PDGFC: variants seen among roughly 807,000 people sequenced by gnomAD.
PDGFC encodes platelet derived growth factor C, also known as platelet-derived growth factor C.
A neutral mutation model predicts 35.5 loss-of-function variants in PDGFC; 12 were observed. The observed-to-expected ratio is 0.34, with a 90% CI of 0.22 to 0.55. The LOEUF is 0.55. Among genes scored for constraint, PDGFC ranks in the 20% least tolerant of loss-of-function variants. PDGFC has a pLI of 0.91. For synonymous variants in PDGFC, 159 were observed against 148.8 expected (o/e 1.07, Z -0.50); for missense variants, 322 against 412.4 (o/e 0.78, Z 1.90).
intron 3 of PDGFC, among the ~76,000 whole-genome samples, chr4:156,800,619 C>T (rs1731576859): frequency 6.6e-6 from 1 of 152,112 alleles, no homozygotes; most frequent in Admixed American, 6.5e-5. Context: ...TATGGTAAGT[C>T]ATTTGGTGAC....
chr4:156,817,212 C>T (rs768714375), intron 2 of PDGFC, among the ~76,000 whole-genome samples: 97 of 151,468 alleles, frequency 6.4e-4, no homozygotes, highest in Non-Finnish European at 9.4e-4. Flanking sequence ...AAAAATTAAG[C>T]AAATCAAAAC....
intron 1 of PDGFC, among the ~76,000 whole-genome samples, chr4:156,948,582 T>C (rs552324200): frequency 3.3e-5 from 5 of 151,946 alleles, no homozygotes; most frequent in Non-Finnish European, 5.9e-5. Context: ...CTGTTTAAAT[T>C]AGGTTTAAGG....
At chr4:156,832,638 T>C (rs1171309407) in intron 2 of PDGFC, among the ~76,000 whole-genome samples, 1 of 150,090 alleles carries the variant, frequency 6.7e-6, no homozygotes, top group Non-Finnish European at 1.5e-5. Context: ...TTTCTTTAAC[T>C]AACCAGGATT....
chr4:156,922,048 G>A (rs1208711392), intron 1 of PDGFC, among the ~76,000 whole-genome samples: 4 of 152,136 alleles, frequency 2.6e-5, no homozygotes, highest in Non-Finnish European at 5.9e-5. Context: ...AGCCTAGTGA[G>A]AAATCAGAAA....
chr4:156,966,112 T>C (rs1732460381), intron 1 of PDGFC, among the ~76,000 whole-genome samples: 1 of 152,214 alleles, frequency 6.6e-6, no homozygotes, highest in African/African-American at 2.4e-5. Flanking sequence ...ACTAAATGAT[T>C]ATCAAATATT....
At chr4:156,808,108 G>C in intron 3 of PDGFC, among the ~76,000 whole-genome samples, 1 of 152,022 alleles carries the variant, frequency 6.6e-6, no homozygotes, top group Middle Eastern at 3.4e-3. Context: ...AGTCTACTGC[G>C]TTCCGGTTTA....
chr4:156,846,262 T>C (rs10027408), intron 2 of PDGFC, among the ~76,000 whole-genome samples: 9,036 of 151,862 alleles, frequency 0.06, 890 homozygotes, highest in African/African-American at 0.21. Flanking sequence ...ATCTGGTGGA[T>C]AGTCATCAAA....
Position 156,913,287 on chromosome 4 carries a change from T to A in PDGFC, c.118+57499A>T, listed in dbSNP as rs532172990. 2.6e-5 allele frequency among the ~76,000 whole-genome samples: 4 copies of A among 152,168 alleles called. No individual in the cohort carries two copies. In the East Asian group the frequency reaches 5.8e-4, roughly 22 times the overall value. The stretch of plus-strand genomic sequence containing the variant: ...ATGGTGTCATGGTGGTACAGAGCCC[T>A]ACAACGGAGTTGGGAAGCCCTTCTA... On this transcript the variant is annotated intron_variant, in intron 1 of 5. Coordinates refer to ENST00000502773, the MANE Select transcript of PDGFC (RefSeq NM_016205.3).
At chr4:156,856,023 C>T (rs1416858505) in intron 1 of PDGFC, among the ~76,000 whole-genome samples, 1 of 151,988 alleles carries the variant, frequency 6.6e-6, no homozygotes, top group East Asian at 1.9e-4. Context: ...CATTTACATG[C>T]TTAATATTTT....
intron 1 of PDGFC, among the ~76,000 whole-genome samples, chr4:156,892,936 G>A (rs982858123): frequency 6.6e-6 from 1 of 152,158 alleles, no homozygotes; most frequent in Non-Finnish European, 1.5e-5. Flanking sequence ...TAAGTGCACT[G>A]GAGTGAAACT....
intron 1 of PDGFC, among the ~76,000 whole-genome samples, chr4:156,923,945 G>C (rs1264976389): frequency 1.3e-5 from 2 of 152,168 alleles, no homozygotes; most frequent in African/African-American, 4.8e-5. Flanking sequence ...TGTGTGGTGG[G>C]GAAGGAAATA....
intron 2 of PDGFC, among the ~76,000 whole-genome samples, chr4:156,812,922 A>G (rs1210975278): frequency 6.6e-6 from 1 of 152,134 alleles, no homozygotes; most frequent in Non-Finnish European, 1.5e-5. Context: ...AAAGCAGTAA[A>G]TAAGAAAACA....
chr4:156,803,478 A>G (rs1731670779), intron 3 of PDGFC, among the ~76,000 whole-genome samples: 1 of 152,102 alleles, frequency 6.6e-6, no homozygotes, highest in African/African-American at 2.4e-5. Flanking sequence ...GGGTGACAGA[A>G]AGTGAAAGAT....
chr4:156,863,429 C>T (rs1198238052), intron 1 of PDGFC, among the ~76,000 whole-genome samples: 1 of 152,132 alleles, frequency 6.6e-6, no homozygotes, highest in African/African-American at 2.4e-5. Flanking sequence ...TTCAACTCAG[C>T]CCACTGAGTG....
At chr4:156,802,774 T>C (rs1057194394) in intron 3 of PDGFC, among the ~76,000 whole-genome samples, 5 of 152,106 alleles carry the variant, frequency 3.3e-5, no homozygotes, top group Middle Eastern at 3.2e-3. Flanking sequence ...AAGACAATAG[T>C]GGGCAAGCCC....
At position 156,937,051 on chromosome 4, in the gene PDGFC, G is replaced by A. The variant is rs183086884; in HGVS notation, c.118+33735C>T. Among the ~76,000 whole-genome samples, 83 of 152,232 alleles carry A rather than the reference G, an allele frequency of 5.5e-4. No individual in the cohort carries two copies. The East Asian group carries it at 0.01, about 19-fold the overall frequency. On this transcript the variant is annotated intron_variant, in intron 1 of 5. Coordinates refer to ENST00000502773, the MANE Select transcript of PDGFC (RefSeq NM_016205.3). ...CTTGAAGCACTAAGGGAACATCCAC[G>A]TAGACAGCACTGCACGCATATGGAC...
chr4:156,873,008 T>C (rs760820558), intron 1 of PDGFC, among the ~76,000 whole-genome samples: 4 of 152,120 alleles, frequency 2.6e-5, no homozygotes, highest in Admixed American at 2.0e-4. Flanking sequence ...TGTACACCTG[T>C]AGTCCCAGCT....
chr4:156,952,172 C>T (rs1732099697), intron 1 of PDGFC, among the ~76,000 whole-genome samples: 1 of 151,748 alleles, frequency 6.6e-6, no homozygotes, highest in Non-Finnish European at 1.5e-5. Context: ...AGACCTTTTG[C>T]TACATACCTG....
At chr4:156,820,216 G>C (rs1463669299) in intron 2 of PDGFC, among the ~76,000 whole-genome samples, 3 of 152,158 alleles carry the variant, frequency 2.0e-5, no homozygotes, top group Admixed American at 1.3e-4. Context: ...CATAAACTTA[G>C]TTGATAGAGC....
Sources: allele counts gnomAD v4.1 joint callset (sites outside exome capture counted in the v4.1 genomes callset), GRCh38; gene constraint gnomAD v4.1.1; transcripts MANE v1.5; gene names NCBI Gene and HGNC (gene_info 2026-07-23, HGNC 2026-07-21).